CREM: variants seen among roughly 807,000 people sequenced by gnomAD.
CREM encodes the protein cAMP responsive element modulator.
Under a neutral mutation model 37.3 loss-of-function variants are expected in CREM, and 13 were observed. The ratio of observed to expected loss-of-function variants is 0.35; its 90% CI spans 0.23 to 0.55. The LOEUF is 0.55. Ranked by LOEUF, CREM falls within the 20% of genes least tolerant of loss-of-function variation. The pLI, the probability that CREM is intolerant of heterozygous loss-of-function variation, is 0.88. For missense variants in CREM, 296 were observed against 362.3 expected, an observed-to-expected ratio of 0.82 and a Z score of 1.49; for synonymous variants, 124 against 120.2, an observed-to-expected ratio of 1.03 and a Z score of -0.21.
At chr10:35,164,376 A>C (rs2093436689) in intron 3 of CREM, among the ~76,000 whole-genome samples, 1 of 152,242 alleles carries the variant, frequency 6.6e-6, no homozygotes, top group South Asian at 2.1e-4. Context: ...TCCTTTGTAA[A>C]GTAACAAAAA....
intron 3 of CREM, chr10:35,175,847 T>C: frequency 6.3e-7 from 1 of 1,589,530 alleles, no homozygotes; most frequent in Non-Finnish European, 8.6e-7. Context: ...GTGATCATTT[T>C]GGCAGGTTTC....
intron 7 of CREM, among the ~76,000 whole-genome samples, chr10:35,208,799 G>A (rs1000804129): frequency 7.9e-5 from 12 of 152,152 alleles, no homozygotes; most frequent in South Asian, 2.1e-4. Context: ...CTAGAAATAG[G>A]TCTTTAGTCC....
chr10:35,147,275 G>C (rs112844134), intron 2 of CREM, among the ~76,000 whole-genome samples: 1 of 151,676 alleles, frequency 6.6e-6, no homozygotes, highest in Non-Finnish European at 1.5e-5. Flanking sequence ...GGATGGTCTC[G>C]ATCTCCTGAC....
chr10:35,196,832 AAAAT>A (rs1249361240), intron 6 of CREM, among the ~76,000 whole-genome samples: 1 of 151,946 alleles, frequency 6.6e-6, no homozygotes, highest in African/African-American at 2.4e-5. Flanking sequence ...CTCATAACAA[AAAAT>A]AAATAAAATG....
intron 2 of CREM, among the ~76,000 whole-genome samples, chr10:35,146,236 T>G (rs987446487): frequency 6.6e-6 from 1 of 152,222 alleles, no homozygotes; most frequent in African/African-American, 2.4e-5. Context: ...GTGTAAAAAA[T>G]AGCACAAGAC....
chr10:35,208,154 A>G (rs968247345), intron 7 of CREM, among the ~76,000 whole-genome samples: 2 of 152,020 alleles, frequency 1.3e-5, no homozygotes, highest in African/African-American at 2.4e-5. Context: ...TTTTTCCTCT[A>G]TTACACTGAA....
rs2094219792 is a variant in CREM, at chr10:35,178,848, C to T, written c.169-41C>T. 4 of 1,508,596 alleles carry T rather than the reference C, an allele frequency of 2.7e-6. No individual in the cohort carries two copies. The East Asian group carries it at 9.1e-5, about 34-fold the overall frequency. The allele number at this position is 1,508,596 out of a possible 1,614,324, so 93.5% of individuals were successfully genotyped here. A position where few individuals can be genotyped will look rare whatever the true frequency, so the allele number is the denominator to read the frequency against. ...CAATTTTTTGAATGAGGGAAAAGAG[C>T]ATATATTTTATGATACATTTCAGAA... On this transcript the variant is annotated intron_variant, in intron 3 of 7. Coordinates refer to ENST00000685392, the MANE Select transcript of CREM (RefSeq NM_183011.2).
intron 1 of CREM, among the ~76,000 whole-genome samples, chr10:35,135,684 A>AT (rs1479363819): frequency 1.3e-5 from 2 of 148,712 alleles, no homozygotes; most frequent in African/African-American, 5.0e-5. Flanking sequence ...GAAGCTAGGA[A>AT]TTTGAGACCT....
At chr10:35,189,489 CTTGT>C (rs140588867) in intron 6 of CREM, among the ~76,000 whole-genome samples, 22,980 of 150,762 alleles carry the variant, frequency 0.15, 1,949 homozygotes, top group East Asian at 0.23. Context: ...AATTTGCTTG[CTTGT>C]TTGTTTGTTT....
chr10:35,150,224 T>G (rs75689711), intron 3 of CREM, among the ~76,000 whole-genome samples: 22,900 of 152,050 alleles, frequency 0.15, 1,948 homozygotes, highest in East Asian at 0.24. Flanking sequence ...AGACAAGTTC[T>G]CACTATATTG....
intron 3 of CREM, among the ~76,000 whole-genome samples, chr10:35,163,647 C>T (rs1295783382): frequency 6.6e-6 from 1 of 152,064 alleles, no homozygotes; most frequent in Admixed American, 6.6e-5. Flanking sequence ...ATGGTAAAAC[C>T]TTGTCTCTAT....
chr10:35,135,904 G>A (rs1485185505), intron 1 of CREM, among the ~76,000 whole-genome samples: 3 of 152,142 alleles, frequency 2.0e-5, no homozygotes, highest in African/African-American at 2.4e-5. Flanking sequence ...GGACTAGAAA[G>A]CATCCTTTTA....
intron 6 of CREM, among the ~76,000 whole-genome samples, chr10:35,201,164 A>AT (rs1352890012): frequency 6.6e-6 from 1 of 152,130 alleles, no homozygotes; most frequent in Admixed American, 6.5e-5. Context: ...TAATAGGCAT[A>AT]TTTTTTAACA....
chr10:35,166,580 T>C (rs1441206887), intron 3 of CREM, among the ~76,000 whole-genome samples: 3 of 128,536 alleles, frequency 2.3e-5, no homozygotes, highest in African/African-American at 8.2e-5. Flanking sequence ...AAAAAAAAAA[T>C]TACCAGGGTG....
At chr10:35,183,295 G>T (rs1185377657) in intron 5 of CREM, among the ~76,000 whole-genome samples, 1 of 152,146 alleles carries the variant, frequency 6.6e-6, no homozygotes, top group Non-Finnish European at 1.5e-5. Flanking sequence ...CTCCTTATAA[G>T]AATTCAGAAT....
chr10:35,144,905 A>T (rs1316765096), intron 2 of CREM, among the ~76,000 whole-genome samples: 2 of 151,944 alleles, frequency 1.3e-5, no homozygotes, highest in African/African-American at 2.4e-5. Flanking sequence ...CATGCCTGTA[A>T]TCCTAGCACT....
intron 3 of CREM, chr10:35,152,302 A>G (rs2092649351): frequency 6.6e-6 from 1 of 152,248 alleles, no homozygotes; most frequent in Non-Finnish European, 1.5e-5. Flanking sequence ...TCAAGAATAT[A>G]CTATGAAAAT....
intron 1 of CREM, among the ~76,000 whole-genome samples, chr10:35,131,697 T>C (rs532587402): frequency 1.3e-5 from 2 of 152,308 alleles, no homozygotes; most frequent in East Asian, 3.9e-4. Context: ...TCTAGGTAAG[T>C]AAAATAATGG....
chr10:35,149,003 T>C (rs553251587), intron 3 of CREM, among the ~76,000 whole-genome samples: 2 of 152,352 alleles, frequency 1.3e-5, no homozygotes, highest in African/African-American at 4.8e-5. Context: ...ATTTGTTAGT[T>C]CATCAAATAT....
Sources: gnomAD v4.1 joint callset for allele counts (sites outside exome capture counted in the v4.1 genomes callset) on GRCh38, gnomAD v4.1.1 for gene constraint, MANE v1.5 for transcripts, NCBI Gene and HGNC (gene_info 2026-07-23, HGNC 2026-07-21) for gene names.